Variants in TOX observed in about 807,000 individuals in gnomAD.
TOX encodes thymocyte selection associated high mobility group box.
Under a neutral mutation model 53.7 loss-of-function variants are expected in TOX, and 11 were observed. The ratio of observed to expected loss-of-function variants is 0.20; its 90% confidence interval spans 0.13 to 0.34. The LOEUF is 0.34. TOX is among the 10% of genes least tolerant of loss of function. The probability of loss-of-function intolerance (pLI) is 1.00; values close to 1 mark genes in which losing one functional copy is unlikely to be tolerated. For synonymous variants in TOX, 225 were observed against 245.3 expected (o/e 0.92, Z 0.77); for missense variants, 570 against 664.6 (o/e 0.86, Z 1.56).
At chr8:59,106,503 GAAC>G (rs1248713136) in intron 1 of TOX, among the ~76,000 whole-genome samples, 1 of 152,112 alleles carries the variant, frequency 6.6e-6, no homozygotes, top group Admixed American at 6.5e-5. Flanking sequence ...AAGGCTCAGG[GAAC>G]ACAAGTGTTT....
chr8:59,070,779 G>A (rs112911497), intron 1 of TOX, among the ~76,000 whole-genome samples: 28 of 152,270 alleles, frequency 1.8e-4, no homozygotes, highest in Non-Finnish European at 3.1e-4. Flanking sequence ...ATGTTTCAAC[G>A]TCATCTTTGG....
At chr8:58,855,645 G>C (rs1292898336) in intron 3 of TOX, among the ~76,000 whole-genome samples, 1 of 152,122 alleles carries the variant, frequency 6.6e-6, no homozygotes, top group Non-Finnish European at 1.5e-5. Context: ...ACCCCAAAGA[G>C]TGGTACAAAA....
In TOX at chr8:59,049,566, C is replaced by T. The variant is rs149513789; in HGVS notation, c.102+69320G>A. Among the ~76,000 whole-genome samples the T allele has an allele frequency of 4.0e-4, 61 of 151,948 alleles. 1 individual carries two copies. In the East Asian group the frequency reaches 9.7e-3, roughly 24 times the overall value. On this transcript the variant is annotated intron_variant, in intron 1 of 8. Coordinates refer to ENST00000361421, the MANE Select transcript of TOX (RefSeq NM_014729.3). ...GAACATTCTTCATTGAATAAGACAA[C>T]CAAAGTAGACCAATAGCTAAGCAAT... is the stretch of plus-strand genomic sequence containing the variant.
At chr8:58,886,601 C>CA (rs985135483) in intron 3 of TOX, among the ~76,000 whole-genome samples, 5 of 151,770 alleles carry the variant, frequency 3.3e-5, no homozygotes, top group South Asian at 2.1e-4. Flanking sequence ...GCTTAAATGA[C>CA]AAAAAAATAT....
At chr8:59,011,553 T>C (rs182583085) in intron 1 of TOX, among the ~76,000 whole-genome samples, 2 of 148,778 alleles carry the variant, frequency 1.3e-5, no homozygotes, top group Admixed American at 6.8e-5. Flanking sequence ...TTTAGTAATA[T>C]TGATATTTGT....
At chr8:58,835,252 T>C (rs1401706221) in intron 5 of TOX, among the ~76,000 whole-genome samples, 1 of 152,092 alleles carries the variant, frequency 6.6e-6, no homozygotes, top group African/African-American at 2.4e-5. Flanking sequence ...CTAGGCAACA[T>C]ATGAAACCTA....
intron 2 of TOX, among the ~76,000 whole-genome samples, chr8:58,952,693 G>C (rs1000228059): frequency 6.6e-6 from 1 of 152,212 alleles, no homozygotes; most frequent in South Asian, 2.1e-4. Flanking sequence ...TACCACTAAT[G>C]CTATTCCATT....
chr8:58,927,485 G>C (rs1414518079), intron 3 of TOX, among the ~76,000 whole-genome samples: 1 of 152,144 alleles, frequency 6.6e-6, no homozygotes, highest in Non-Finnish European at 1.5e-5. Flanking sequence ...CCTGTGCTCT[G>C]CATCTTTGTC....
intron 2 of TOX, among the ~76,000 whole-genome samples, chr8:58,948,608 T>C (rs983518203): frequency 6.6e-6 from 1 of 152,214 alleles, no homozygotes; most frequent in African/African-American, 2.4e-5. Context: ...AGTCAGGACA[T>C]GTTTTTTAGT....
intron 2 of TOX, among the ~76,000 whole-genome samples, chr8:58,953,946 C>T (rs1000563847): frequency 3.3e-5 from 5 of 151,794 alleles, no homozygotes; most frequent in East Asian, 1.9e-4. Flanking sequence ...AGAATTTTCT[C>T]GTTAGGAAAA....
At chr8:58,924,508 C>T (rs146968842) in intron 3 of TOX, among the ~76,000 whole-genome samples, 116 of 152,386 alleles carry the variant, frequency 7.6e-4, no homozygotes, top group African/African-American at 2.6e-3. Context: ...TCTCATCTCA[C>T]ACATTTTATG....
At chr8:58,952,385 G>T (rs917110721) in intron 2 of TOX, among the ~76,000 whole-genome samples, 9 of 152,124 alleles carry the variant, frequency 5.9e-5, no homozygotes, top group African/African-American at 1.9e-4. Context: ...TTAGTGACAG[G>T]TTTATTATGC....
chr8:59,104,234 T>C (rs950754459), intron 1 of TOX, among the ~76,000 whole-genome samples: 7 of 152,114 alleles, frequency 4.6e-5, no homozygotes, highest in African/African-American at 1.7e-4. Flanking sequence ...AGCAGTATCT[T>C]CCTCAAACAC....
chr8:58,847,119 T>C (rs1169155000), intron 4 of TOX, among the ~76,000 whole-genome samples: 1 of 152,104 alleles, frequency 6.6e-6, no homozygotes, highest in African/African-American at 2.4e-5. Context: ...CCCAGAGAAA[T>C]CCACCTTTAA....
intron 1 of TOX, among the ~76,000 whole-genome samples, chr8:59,053,006 T>A (rs1463551466): frequency 6.6e-6 from 1 of 152,182 alleles, no homozygotes; most frequent in Non-Finnish European, 1.5e-5. Flanking sequence ...TAAATCAATA[T>A]TTATTTGAAT....
rs1239146039 is a variant in TOX, at chr8:59,005,022, T to C, written c.103-45014A>G. On this transcript the variant is annotated intron_variant, in intron 1 of 8. Transcript: ENST00000361421. ...TATTCAGAAATTTATTTTATGTAATTTAAACTTGAAAATATCATTTTCTTT... is the reference window on the plus strand; with the variant it reads ...TATTCAGAAATTTATTTTATGTAATCTAAACTTGAAAATATCATTTTCTTT... 2.8e-5 allele frequency among the ~76,000 whole-genome samples: 4 copies of C among 144,286 alleles called. No homozygotes were observed. The East Asian group carries it at 6.2e-4, about 22-fold the overall frequency. 94.7% of individuals were successfully genotyped at this position (144,286 alleles called of 152,430 possible).
At chr8:58,902,026 G>C (rs143299519) in intron 3 of TOX, among the ~76,000 whole-genome samples, 12 of 152,176 alleles carry the variant, frequency 7.9e-5, no homozygotes, top group African/African-American at 2.9e-4. Flanking sequence ...ACTATTTCTG[G>C]TTTAATTTAA....
At chr8:58,948,386 T>C (rs1265592719) in intron 2 of TOX, among the ~76,000 whole-genome samples, 1 of 152,212 alleles carries the variant, frequency 6.6e-6, no homozygotes, top group Non-Finnish European at 1.5e-5. Flanking sequence ...CTCCTCTCAG[T>C]ATTGCTTGGG....
intron 3 of TOX, among the ~76,000 whole-genome samples, chr8:58,911,066 A>G (rs529923760): frequency 4.7e-4 from 71 of 152,058 alleles, no homozygotes; most frequent in Middle Eastern, 3.4e-3. Flanking sequence ...TCCTTCGGAG[A>G]AGCTTTCCTT....
Sources: gnomAD v4.1 joint callset for allele counts (sites outside exome capture counted in the v4.1 genomes callset) on GRCh38, gnomAD v4.1.1 for gene constraint, MANE v1.5 for transcripts, NCBI Gene and HGNC (gene_info 2026-07-23, HGNC 2026-07-21) for gene names.